DNAJA2: variants seen among roughly 807,000 people sequenced by gnomAD.
DNAJA2 encodes dnaJ homolog subfamily A member 2.
Under a neutral mutation model 49.3 loss-of-function variants are expected in DNAJA2, and 6 were observed. The observed-to-expected ratio is 0.12, with a 90% confidence interval of 0.07 to 0.24. The LOEUF is 0.24. Ranked by LOEUF, DNAJA2 falls within the 10% of genes least tolerant of loss-of-function variation. The probability of loss-of-function intolerance (pLI) is 1.00; values close to 1 mark genes in which losing one functional copy is unlikely to be tolerated. For synonymous variants in DNAJA2, 160 were observed against 172.7 expected (o/e 0.93, Z 0.58); for missense variants, 347 against 516.8 (o/e 0.67, Z 3.19).
At chr16:46,962,862 T>G (rs1452376240) in intron 6 of DNAJA2, among the ~76,000 whole-genome samples, 1 of 152,190 alleles carries the variant, frequency 6.6e-6, no homozygotes, top group Non-Finnish European at 1.5e-5. Flanking sequence ...AGATCAAGTC[T>G]GACCTTGTGA....
At chr16:46,964,523 G>A in intron 6 of DNAJA2, 88 bp downstream of exon 6, 1 of 1,288,456 alleles carries the variant, frequency 7.8e-7, no homozygotes, top group Non-Finnish European at 1.1e-6. Flanking sequence ...TTGCTCCAGG[G>A]ACTCCAAACA....
intron 1 of DNAJA2, among the ~76,000 whole-genome samples, 162 bp downstream of exon 1, chr16:46,973,333 C>T (rs1437529553): frequency 6.6e-6 from 1 of 150,768 alleles, no homozygotes; most frequent in Non-Finnish European, 1.5e-5. Flanking sequence ...GTGCGCGGCT[C>T]GCGGCGAGGC....
intron 6 of DNAJA2, among the ~76,000 whole-genome samples, chr16:46,964,101 C>T (rs964160449): frequency 2.0e-5 from 3 of 152,040 alleles, no homozygotes; most frequent in Admixed American, 6.6e-5. Flanking sequence ...AGGCCAGGCG[C>T]GGTGGCTCCC....
At position 46,973,661 on chromosome 16, in the gene DNAJA2, CCGAGGGAGACAG is replaced by C. The variant is rs1434125297; in HGVS notation, c.-101_-90del. Reference sequence around the variant, plus strand: ...CAAGCGGCGTCGGCGGCGGCACAGGCCGAGGGAGACAGCGAGGGGGAAGCGGGGGCGGGGCTG... The same window carrying C: ...CAAGCGGCGTCGGCGGCGGCACAGGCCGAGGGGGAAGCGGGGGCGGGGCTG... On this transcript the variant is annotated 5_prime_UTR_variant, in exon 1 of 9. Coordinates refer to ENST00000317089, the MANE Select transcript of DNAJA2 (RefSeq NM_005880.4). 2 of 1,375,462 alleles carry C rather than the reference CCGAGGGAGACAG, an allele frequency of 1.5e-6. No homozygotes were observed. The highest frequency in any genetic ancestry group is 3.0e-5 in the African/African-American group (2 of 67,336). 85.2% of individuals were successfully genotyped at this position (1,375,462 alleles called of 1,614,324 possible).
In DNAJA2 at chr16:46,969,117, T is replaced by C. The variant is rs535906394; in HGVS notation, c.363-953A>G. Among the ~76,000 whole-genome samples, 17 of 152,296 alleles carry C rather than the reference T, an allele frequency of 1.1e-4. No individual in the cohort carries two copies. The East Asian group carries it at 3.3e-3, about 29-fold the overall frequency. ...GTTTCATATTTTGGAGCATTTCAGA[T>C]TTCAGATTAGTAATGGTCATCCCGT... is the stretch of plus-strand genomic sequence containing the variant. On this transcript the variant is annotated intron_variant, in intron 3 of 8. Coordinates refer to ENST00000317089, the MANE Select transcript of DNAJA2 (RefSeq NM_005880.4).
chr16:46,968,023 T>G lies in DNAJA2; in HGVS notation c.443+61A>C. ...TAACAATTTTTACGTGGTACAGACA[T>G]TCAGTGTGATACTTAAAAGAACAGA... On this transcript the variant is annotated intron_variant, in intron 4 of 8. Transcript: ENST00000317089. 4.3e-6 allele frequency: 6 copies of G among 1,411,322 alleles called. No homozygotes were observed. The South Asian group carries it at 7.7e-5, about 18-fold the overall frequency. The allele number at this position is 1,411,322 out of a possible 1,614,324, so 87.4% of individuals were successfully genotyped here.
At chr16:46,973,189 G>T (rs547960770) in intron 1 of DNAJA2, among the ~76,000 whole-genome samples, 1 of 152,150 alleles carries the variant, frequency 6.6e-6, no homozygotes, top group East Asian at 1.9e-4. Flanking sequence ...TGCCTCCCGG[G>T]GGATACCAGC....
chr16:46,971,487 C>T lies in DNAJA2; in HGVS notation c.224G>A (p.Arg75Gln), dbSNP rs559641513. The T allele has an allele frequency of 1.9e-6, 3 of 1,613,866 alleles. No homozygotes were observed. Among genetic ancestry groups the T allele is most frequent in the East Asian group, 2.2e-5 (1 of 44,876 alleles). ...GCCACCACCTCCGCCGCTGCCTTCC[C>T]GAAGACCTTGCTCTCCGTATCTGTC... ...LYDRYGEQGL[R>Q]EGSGGGGGMD... Residue 75 changes from arginine to glutamine, a missense_variant, in exon 3 of 9, where the codon CGG (arginine) becomes CAG (glutamine). Physicochemically the swap from Arg to Gln is conservative, Grantham distance 43 (BLOSUM62 1). Coordinates refer to ENST00000317089, the MANE Select transcript of DNAJA2 (RefSeq NM_005880.4).
chr16:46,957,294 G>C, intron 8 of DNAJA2, 74 bp from the exon 9 acceptor site: 1 of 1,369,110 alleles, frequency 7.3e-7, no homozygotes, highest in South Asian at 1.4e-5. Flanking sequence ...ATAGAATCCA[G>C]TGTCTGTTTA....
chr16:46,973,414 T>A, intron 1 of DNAJA2, 81 bp downstream of exon 1: 1 of 1,372,732 alleles, frequency 7.3e-7, no homozygotes, highest in Non-Finnish European at 9.6e-7. Context: ...GGCAGCCCAG[T>A]AGCGCGGCCT....
At chr16:46,971,207 T>G (rs919321286) in intron 3 of DNAJA2, 142 bp downstream of exon 3, 1 of 618,942 alleles carries the variant, frequency 1.6e-6, no homozygotes, top group Non-Finnish European at 2.7e-6. Context: ...CAAATTCAAT[T>G]TAGTCACCAA....
chr16:46,968,228 T>A, intron 3 of DNAJA2, 64 bp from the exon 4 acceptor site: 3 of 1,082,606 alleles, frequency 2.8e-6, no homozygotes, highest in Non-Finnish European at 4.1e-6. Context: ...AAGATATAAG[T>A]AACAGCTGAT....
At chr16:46,971,661 T>TAAAAGA in intron 2 of DNAJA2, 89 bp from the exon 3 acceptor site, 1 of 465,862 alleles carries the variant, frequency 2.1e-6, no homozygotes, top group South Asian at 2.5e-5. Flanking sequence ...CATTTAATTC[T>TAAAAGA]AAAAAAAAAA....
At chr16:46,960,828 C>A (rs1261729125) in intron 6 of DNAJA2, among the ~76,000 whole-genome samples, 2 of 150,916 alleles carry the variant, frequency 1.3e-5, no homozygotes, top group Non-Finnish European at 2.9e-5. Flanking sequence ...AGGGTCAGAG[C>A]TTTGGGAGGC....
intron 5 of DNAJA2, among the ~76,000 whole-genome samples, chr16:46,967,054 G>C (rs1472950680): frequency 6.6e-6 from 1 of 151,996 alleles, no homozygotes; most frequent in East Asian, 1.9e-4. Flanking sequence ...ATGTTCACTG[G>C]GCTTAGGCAT....
chr16:46,969,929 C>A (rs1456852972), intron 3 of DNAJA2, among the ~76,000 whole-genome samples: 1 of 151,890 alleles, frequency 6.6e-6, no homozygotes, highest in Admixed American at 6.6e-5. Context: ...AAAATATAAA[C>A]GAATTAACCT....
chr16:46,959,674 C>A, intron 6 of DNAJA2: 1 of 373,240 alleles, frequency 2.7e-6, no homozygotes, highest in Non-Finnish European at 4.9e-6. Flanking sequence ...AACTGAGGCC[C>A]TCAAAACAGT....
At chr16:46,966,307 T>A (rs548471791) in intron 5 of DNAJA2, among the ~76,000 whole-genome samples, 14 of 152,366 alleles carry the variant, frequency 9.2e-5, no homozygotes, top group African/African-American at 3.1e-4. Flanking sequence ...TAACTTCTCA[T>A]AATTATCTCA....
At chr16:46,963,337 G>C (rs977243634) in intron 6 of DNAJA2, among the ~76,000 whole-genome samples, 2 of 151,918 alleles carry the variant, frequency 1.3e-5, no homozygotes, top group Non-Finnish European at 2.9e-5. Context: ...ATACAATATG[G>C]ACATTAAAAA....
Sources: allele counts gnomAD v4.1 joint callset (sites outside exome capture counted in the v4.1 genomes callset), GRCh38; gene constraint gnomAD v4.1.1; transcripts MANE v1.5; gene names NCBI Gene and HGNC (gene_info 2026-07-23, HGNC 2026-07-21).